Variants in MAPKBP1 observed in about 807,000 individuals in gnomAD.
MAPKBP1 encodes mitogen-activated protein kinase-binding protein 1.
Under a neutral mutation model 170.5 loss-of-function variants are expected in MAPKBP1, and 71 were observed. The observed-to-expected ratio is 0.42, with a 90% CI of 0.34 to 0.51. The LOEUF is 0.51. Among genes scored for constraint, MAPKBP1 ranks in the 20% least tolerant of loss-of-function variants. The pLI is 0.06. For synonymous variants in MAPKBP1, 719 were observed against 757.9 expected (o/e 0.95, Z 0.84); for missense variants, 1,598 against 1,933.0 (o/e 0.83, Z 3.25).
At position 41,820,890 on chromosome 15, in the gene MAPKBP1, G is replaced by C. The variant is rs763621497; in HGVS notation, c.2540G>C (p.Arg847Thr). 2 of 1,614,042 alleles carry C rather than the reference G, an allele frequency of 1.2e-6. No homozygotes were observed. Among genetic ancestry groups the C allele is most frequent in the Non-Finnish European group, 1.7e-6 (2 of 1,180,026 alleles). ...PAPAANPGPR[R>T]RGRWVQPGVE... The stretch of plus-strand genomic sequence containing the variant: ...CCTGCAGCCAACCCAGGACCCAGAA[G>C]AAGAGGGCGCTGGGTTCAGCCAGGT... The change falls in exon 23 of 31, where the codon AGA becomes ACA. Residue 847 changes from arginine (R) to threonine (T), a missense_variant. By Grantham distance (71) the Arg-to-Thr change is moderately conservative. Transcript: ENST00000457542.
At chr15:41,825,014 ATCCAATGG>A (rs1596103404) in intron 30 of MAPKBP1, 187 bp from the exon 31 acceptor site, 4 of 556,416 alleles carry the variant, frequency 7.2e-6, no homozygotes, top group Non-Finnish European at 1.3e-5. Flanking sequence ...CGGTTCTGCA[ATCCAATGG>A]GTTCCTCCTT....
chr15:41,821,992 G>T lies in MAPKBP1; in HGVS notation c.2913G>T (p.Arg971=). Residue 971 remains arginine (R), a synonymous_variant, in exon 25 of 31, where the codon CGG becomes CGT. Transcript: ENST00000457542. ...AGTTCCAAGTGCAGGCTCCAGCCCG[G>T]GGAACTCTGGGAAGAGTGTACCCAG... ...TSEFQVQAPA[R]GTLGRVYPGS... is the part of the protein sequence containing the mutation. 1 of 1,610,208 alleles carries T rather than the reference G, an allele frequency of 6.2e-7. No homozygotes were observed. The highest frequency in any genetic ancestry group is 1.1e-5 in the South Asian group (1 of 90,210).
Position 41,818,923 on chromosome 15 carries a change from C to A in MAPKBP1, c.2257C>A (p.Pro753Thr). The part of the protein sequence containing the change: ...QRQRGGKQQG[P>T]SSPQRASGPN... Reference sequence around the variant, plus strand: ...TCAGCGGGGCGGCAAGCAGCAAGGACCATCCTCTCCCCAAAGGGCTTCTGG... The same window carrying A: ...TCAGCGGGGCGGCAAGCAGCAAGGAACATCCTCTCCCCAAAGGGCTTCTGG... Residue 753 changes from proline (P) to threonine (T), a missense_variant, in exon 20 of 31, where the codon CCA becomes ACA. Coordinates refer to ENST00000457542, the MANE Select transcript of MAPKBP1 (RefSeq NM_014994.3). This position sits in a 1 kb window ranked among gnomAD's most constrained non-coding sequence, Gnocchi z 5.2. 6.2e-7 allele frequency: 1 copy of A among 1,614,194 alleles called. No homozygotes were observed. Among genetic ancestry groups the A allele is most frequent in the Non-Finnish European group, 8.5e-7 (1 of 1,180,038 alleles).
At chr15:41,820,751 C>T in intron 22 of MAPKBP1, 81 bp from the exon 23 acceptor site, 1 of 1,022,108 alleles carries the variant, frequency 9.8e-7, no homozygotes, top group East Asian at 2.5e-5. Context: ...GTGCCAGGCA[C>T]ATAGTAAGGG....
chr15:41,811,512 A>G (rs2064805828), intron 5 of MAPKBP1: 1 of 672,378 alleles, frequency 1.5e-6, no homozygotes, highest in Non-Finnish European at 2.7e-6. Flanking sequence ...ACAAGTTCCC[A>G]GAGAGTGCTG....
intron 27 of MAPKBP1, 53 bp from the exon 28 acceptor site, chr15:41,822,886 A>G: frequency 1.3e-6 from 2 of 1,553,298 alleles, no homozygotes; most frequent in South Asian, 2.4e-5. Flanking sequence ...CCATTTTGGC[A>G]GGGAGGAGCA....
intron 2 of MAPKBP1, among the ~76,000 whole-genome samples, chr15:41,796,827 G>A (rs940139961): frequency 6.6e-6 from 1 of 152,126 alleles, no homozygotes; most frequent in African/African-American, 2.4e-5. Context: ...GAGATGGTCC[G>A]TAGCAGGGTT....
chr15:41,806,660 C>CT (rs2064701233), intron 3 of MAPKBP1, among the ~76,000 whole-genome samples: 2 of 152,194 alleles, frequency 1.3e-5, no homozygotes, highest in African/African-American at 2.4e-5. Context: ...GAGCAGCCGC[C>CT]CTGCACCCTC....
At position 41,818,069 on chromosome 15, in the gene MAPKBP1, C is replaced by T. The variant is rs754504494; in HGVS notation, c.1965C>T (p.Asp655=). The T allele has an allele frequency of 2.2e-5, 35 of 1,613,898 alleles. No homozygotes were observed. Among genetic ancestry groups the T allele is most frequent in the African/African-American group, 5.3e-5 (4 of 74,852 alleles). The stretch of plus-strand genomic sequence containing the variant: ...TGTTTAAAGGGTCACAGGGTGAGGA[C>T]GGCACACTCATTAAGGTAAGGACCC... ...KKLFKGSQGE[D]GTLIKVQTDP... Residue 655 remains aspartate, a synonymous_variant, in exon 17 of 31, where the codon GAC becomes GAT. Transcript: ENST00000457542. The surrounding 1 kb of genome is among the most constrained non-coding windows in gnomAD (Gnocchi z 5.2).
intron 3 of MAPKBP1, among the ~76,000 whole-genome samples, chr15:41,800,177 AC>A (rs2064564745): frequency 6.6e-6 from 1 of 152,132 alleles, no homozygotes; most frequent in Admixed American, 6.5e-5. Flanking sequence ...AGTTCCCAGC[AC>A]CATCTTCAGT....
rs376580969 is a variant in MAPKBP1 at position 41,822,009 on chromosome 15, T to C, written c.2930T>C (p.Val977Ala). Residue 977 changes from valine (V) to alanine (A), a missense_variant, in exon 25 of 31, where the codon GTG (valine) becomes GCG (alanine). Coordinates refer to ENST00000457542, the MANE Select transcript of MAPKBP1 (RefSeq NM_014994.3). ...QAPARGTLGR[V>A]YPGSRSSEKH... is the part of the protein sequence containing the mutation. ...CCAGCCCGGGGAACTCTGGGAAGAG[T>C]GTACCCAGGCAGCAGGAGCTCAGAA... 1.2e-6 allele frequency: 2 copies of C among 1,610,302 alleles called. No individual in the cohort carries two copies. The highest frequency in any genetic ancestry group is 1.7e-6 in the Non-Finnish European group (2 of 1,178,392).
At chr15:41,813,870 G>A (rs773187791) in intron 9 of MAPKBP1, 89 bp downstream of exon 9, 204 of 1,396,654 alleles carry the variant, frequency 1.5e-4, no homozygotes, top group Non-Finnish European at 1.8e-4. Context: ...GGTGAAGAGT[G>A]TATTGATGCC....
chr15:41,803,413 C>CA lies in MAPKBP1; in HGVS notation c.206+3521dup, dbSNP rs1166671811. Among the ~76,000 whole-genome samples, 92 of 11,070 alleles carry CA rather than the reference C, an allele frequency of 8.3e-3. 2 individuals are homozygous for CA. The highest frequency in any genetic ancestry group is 0.033 in the Middle Eastern group (1 of 30). 7.3% of individuals were successfully genotyped at this position (11,070 alleles called of 152,430 possible). The stretch of plus-strand genomic sequence containing the variant: ...TGAGCGGCTGAGCAAGACTCCATCT[C>CA]AAAAAAAAAAAAAAAAAAAAAAGGT... On this transcript the variant is annotated intron_variant, in intron 3 of 30. Transcript: ENST00000457542.
chr15:41,813,731 G>A lies in MAPKBP1; in HGVS notation c.930G>A (p.Leu310=). ...CTAACCTGCACTTCCTTAGCACCTT[G>A]CCCCGACCCCATGCTCTGGGGACAG... The part of the protein sequence containing the change: ...NPSNLHFLST[L]PRPHALGTDI... The change falls in exon 9 of 31, where the codon TTG becomes TTA. Residue 310 remains leucine, a synonymous_variant. Transcript: ENST00000457542. 6.2e-7 allele frequency: 1 copy of A among 1,612,668 alleles called. No individual in the cohort carries two copies. Among genetic ancestry groups the A allele is most frequent in the African/African-American group, 1.3e-5 (1 of 74,930 alleles).
In MAPKBP1 at chr15:41,819,576, ACTGC is replaced by A; in HGVS notation, c.2426-15_2426-12del. 6.4e-7 allele frequency: 1 copy of A among 1,568,006 alleles called. No homozygotes were observed. The highest frequency in any genetic ancestry group is 8.7e-7 in the Non-Finnish European group (1 of 1,148,348). ...GGGGGGGCAGGAGACACTTCCTCTG[ACTGC>A]CTGTTTCTGTCTAGCCTCGGTCCCC... On this transcript the variant is annotated splice_polypyrimidine_tract_variant and intron_variant, in intron 21 of 30. Coordinates refer to ENST00000457542, the MANE Select transcript of MAPKBP1 (RefSeq NM_014994.3).
Position 41,818,643 on chromosome 15 carries a change from C to G in MAPKBP1, c.2156+61C>G. ...TTACTCTGCCACAGCACCCTGCCCT[C>G]CCCTCTCTCCATTTCAGTGATGTCT... is the stretch of plus-strand genomic sequence containing the variant. On this transcript the variant is annotated intron_variant, in intron 19 of 30. Coordinates refer to ENST00000457542, the MANE Select transcript of MAPKBP1 (RefSeq NM_014994.3). The surrounding 1 kb of genome is among the most constrained non-coding windows in gnomAD (Gnocchi z 5.2). The G allele has an allele frequency of 6.5e-7, 1 of 1,540,632 alleles. No homozygotes were observed. Among genetic ancestry groups the G allele is most frequent in the Non-Finnish European group, 8.9e-7 (1 of 1,127,068 alleles).
chr15:41,809,279 A>G (rs2064762002), intron 3 of MAPKBP1, among the ~76,000 whole-genome samples: 1 of 151,998 alleles, frequency 6.6e-6, no homozygotes, highest in Admixed American at 6.6e-5. Flanking sequence ...GAAGGAGGAA[A>G]AAAAAACAGG....
In MAPKBP1 at chr15:41,817,444, C is replaced by T. The variant is rs2064910470; in HGVS notation, c.1768C>T (p.Arg590Cys). The change falls in exon 15 of 31, where the codon CGC becomes TGC. Residue 590 changes from arginine to cysteine, a missense_variant. This residue lies in a region of MAPKBP1 where 430 missense variants were observed against 617.2 expected (regional missense o/e 0.70). Transcript: ENST00000457542. The surrounding 1 kb of genome is among the most constrained non-coding windows in gnomAD (Gnocchi z 4.2). Reference protein sequence around the residue: ...SCGADKSIYFRTAQKSGDGVQ... With the variant: ...SCGADKSIYFCTAQKSGDGVQ... ...TGGAGCAGACAAGAGCATCTACTTC[C>T]GCACTGCGCAGAAGGTGAGGGCGCT... The T allele has an allele frequency of 2.5e-6, 4 of 1,613,832 alleles. No individual in the cohort carries two copies. The highest frequency in any genetic ancestry group is 2.5e-6 in the Non-Finnish European group (3 of 1,179,970).
chr15:41,788,044 G>T (rs930258927), intron 2 of MAPKBP1, among the ~76,000 whole-genome samples: 6 of 151,786 alleles, frequency 4.0e-5, no homozygotes, highest in African/African-American at 1.5e-4. Flanking sequence ...TGCAACCTCC[G>T]CCTCCCAGGT....
Sources: allele counts gnomAD v4.1 joint callset (sites outside exome capture counted in the v4.1 genomes callset), GRCh38; gene constraint gnomAD v4.1.1; regional missense constraint gnomAD v4.1.1; non-coding constraint Gnocchi (gnomAD v3.1); transcripts MANE v1.5; gene names NCBI Gene and HGNC (gene_info 2026-07-23, HGNC 2026-07-21).